Variants in OPCML observed in about 807,000 individuals in gnomAD.
OPCML encodes opioid-binding protein/cell adhesion molecule.
In OPCML, 13 loss-of-function variants were observed where a neutral mutation model predicts 37.8. That is an observed-to-expected ratio of 0.34 (90% confidence interval 0.22 to 0.55). The LOEUF (loss-of-function observed/expected upper bound fraction) is 0.55. OPCML is among the 20% of genes least tolerant of loss of function. The pLI, the probability that OPCML is intolerant of heterozygous loss-of-function variation, is 0.91. For missense variants in OPCML, 341 were observed against 435.6 expected (o/e 0.78, Z 1.93); for synonymous variants, 176 against 168.8 (o/e 1.04, Z -0.33).
At chr11:132,510,289 G>A (rs1225116216) in intron 4 of OPCML, among the ~76,000 whole-genome samples, 2 of 152,178 alleles carry the variant, frequency 1.3e-5, no homozygotes, top group Admixed American at 6.5e-5. Context: ...ATAGGTGGAA[G>A]GGACTTGTCT....
chr11:132,446,103 CT>C (rs58784534), intron 4 of OPCML, among the ~76,000 whole-genome samples: 1,177 of 48,472 alleles, frequency 0.024, 4 homozygotes, highest in African/African-American at 0.034. Context: ...CTGCTTGTGT[CT>C]TTTTTTTTTT....
chr11:132,996,494 C>A (rs1372926805), intron 1 of OPCML, among the ~76,000 whole-genome samples: 1 of 151,544 alleles, frequency 6.6e-6, no homozygotes, highest in Non-Finnish European at 1.5e-5. Context: ...TGGGCGTAGT[C>A]CCAGCTACTC....
At chr11:132,426,139 C>T (rs1185905896) in intron 7 of OPCML, among the ~76,000 whole-genome samples, 2 of 152,132 alleles carry the variant, frequency 1.3e-5, no homozygotes, top group Non-Finnish European at 2.9e-5. Flanking sequence ...TGAGTGACAA[C>T]ACAGTGACAA....
intron 4 of OPCML, among the ~76,000 whole-genome samples, chr11:132,487,152 C>T: frequency 6.6e-6 from 1 of 152,190 alleles, no homozygotes; most frequent in East Asian, 1.9e-4. Context: ...CACCCTGAAA[C>T]AAACAACAGT....
chr11:133,483,872 G>T (rs1237777646), intron 1 of OPCML, among the ~76,000 whole-genome samples: 2 of 150,546 alleles, frequency 1.3e-5, no homozygotes, highest in East Asian at 4.0e-4. Context: ...TTCATAGAGA[G>T]ACTTATAGAT....
rs1239451471 is a variant in OPCML at position 132,419,158 on chromosome 11, G to A, written c.*1035C>T. 6.6e-6 allele frequency: 1 copy of A among 152,450 alleles called. No homozygotes were observed. 9.4% of individuals were successfully genotyped at this position (152,450 alleles called of 1,614,324 possible). Reference sequence around the variant, plus strand: ...TTTGAAGATGCCAATGTCTGCTGATGGTGTATAAATGAATACAGTGGGAGA... The same window carrying A: ...TTTGAAGATGCCAATGTCTGCTGATAGTGTATAAATGAATACAGTGGGAGA... On this transcript the variant is annotated 3_prime_UTR_variant, in exon 8 of 8. Transcript: ENST00000524381.
At chr11:132,539,739 G>C (rs2096351156) in intron 3 of OPCML, among the ~76,000 whole-genome samples, 1 of 151,876 alleles carries the variant, frequency 6.6e-6, no homozygotes. Flanking sequence ...GATAATGATG[G>C]TGATGGTGAT....
chr11:132,652,770 C>T (rs1368186773), intron 3 of OPCML, among the ~76,000 whole-genome samples: 1 of 152,176 alleles, frequency 6.6e-6, no homozygotes, highest in Non-Finnish European at 1.5e-5. Flanking sequence ...ACCTTTCCTC[C>T]ATGACTGTCC....
chr11:133,203,529 C>G (rs1300386626), intron 1 of OPCML, among the ~76,000 whole-genome samples: 1 of 152,108 alleles, frequency 6.6e-6, no homozygotes, highest in Non-Finnish European at 1.5e-5. Context: ...ACTTTTCTAT[C>G]TCAAATTACC....
intron 2 of OPCML, among the ~76,000 whole-genome samples, chr11:132,884,475 T>C (rs1943334484): frequency 6.6e-6 from 1 of 152,148 alleles, no homozygotes; most frequent in East Asian, 1.9e-4. Flanking sequence ...GTCAGAAAGA[T>C]TGCTTGGGGT....
chr11:133,042,657 G>C (rs77315801), intron 1 of OPCML, among the ~76,000 whole-genome samples: 2,706 of 152,230 alleles, frequency 0.018, 42 homozygotes, highest in South Asian at 0.037. Context: ...GTTCCTTTTG[G>C]ATTTTGCCCA....
At chr11:133,026,069 A>T (rs1947549364) in intron 1 of OPCML, 2 of 985,134 alleles carry the variant, frequency 2.0e-6, no homozygotes, top group Non-Finnish European at 2.4e-6. Flanking sequence ...TGTTTCTCTC[A>T]TCATGACTTG....
intron 1 of OPCML, among the ~76,000 whole-genome samples, chr11:133,324,841 T>C (rs1943412069): frequency 6.6e-6 from 1 of 152,192 alleles, no homozygotes; most frequent in Non-Finnish European, 1.5e-5. Flanking sequence ...TGTGTAGATA[T>C]ATGTTCTATA....
intron 2 of OPCML, among the ~76,000 whole-genome samples, chr11:132,795,401 A>T (rs147426296): frequency 6.6e-6 from 1 of 152,228 alleles, no homozygotes; most frequent in Non-Finnish European, 1.5e-5. Flanking sequence ...ATAAAATACA[A>T]TGTTTCCTAA....
chr11:133,521,956 G>C (rs1948406095), intron 1 of OPCML, among the ~76,000 whole-genome samples: 1 of 152,200 alleles, frequency 6.6e-6, no homozygotes, highest in Admixed American at 6.5e-5. Flanking sequence ...GCATGGTTTT[G>C]AGTCTGAACT....
intron 1 of OPCML, among the ~76,000 whole-genome samples, chr11:132,961,367 G>T (rs531065429): frequency 3.3e-5 from 5 of 152,250 alleles, no homozygotes; most frequent in African/African-American, 1.2e-4. Flanking sequence ...GCTCTAAAGA[G>T]CCCAAGATAT....
chr11:132,803,914 A>G (rs1290413046), intron 2 of OPCML, among the ~76,000 whole-genome samples: 1 of 152,334 alleles, frequency 6.6e-6, no homozygotes, highest in African/African-American at 2.4e-5. Context: ...CATGCTCACT[A>G]TTAACTGTTC....
At chr11:132,590,971 C>A (rs1159195245) in intron 3 of OPCML, among the ~76,000 whole-genome samples, 3 of 152,160 alleles carry the variant, frequency 2.0e-5, no homozygotes, top group African/African-American at 7.2e-5. Context: ...CTAGAAGAAC[C>A]AGTATCTTCC....
At chr11:132,976,208 G>T (rs1387628949) in intron 1 of OPCML, among the ~76,000 whole-genome samples, 1 of 152,122 alleles carries the variant, frequency 6.6e-6, no homozygotes, top group Non-Finnish European at 1.5e-5. Flanking sequence ...ATTTCCAGAA[G>T]ATTTGTCTGT....
Sources: allele counts gnomAD v4.1 joint callset (sites outside exome capture counted in the v4.1 genomes callset), GRCh38; gene constraint gnomAD v4.1.1; transcripts MANE v1.5; gene names NCBI Gene and HGNC (gene_info 2026-07-23, HGNC 2026-07-21).